BAIAP2L1: variants seen among roughly 807,000 people sequenced by gnomAD.
BAIAP2L1 encodes the protein BAR/IMD domain-containing adapter protein 2-like 1.
A neutral mutation model predicts 66.3 loss-of-function variants in BAIAP2L1; 35 were observed. The observed-to-expected ratio is 0.53, with a 90% CI of 0.40 to 0.70. BAIAP2L1 has a LOEUF of 0.70. Ranked by LOEUF, BAIAP2L1 falls within the 30% of genes least tolerant of loss-of-function variation. BAIAP2L1 has a pLI of 0.00. For synonymous variants in BAIAP2L1, 269 were observed against 248.7 expected (o/e 1.08, Z -0.77); for missense variants, 622 against 656.9 (o/e 0.95, Z 0.58).
intron 1 of BAIAP2L1, among the ~76,000 whole-genome samples, chr7:98,395,683 ATAAGT>A (rs572239402): frequency 2.6e-5 from 4 of 152,346 alleles, no homozygotes; most frequent in South Asian, 4.1e-4. Context: ...GTGTCAGCAG[ATAAGT>A]TAAACTAAAT....
intron 2 of BAIAP2L1, among the ~76,000 whole-genome samples, chr7:98,361,239 C>A (rs1242279616): frequency 6.6e-6 from 1 of 152,044 alleles, no homozygotes; most frequent in Non-Finnish European, 1.5e-5. Flanking sequence ...CACCTATAAT[C>A]CCAGCTACTT....
At chr7:98,369,796 C>G (rs1219630348) in intron 1 of BAIAP2L1, among the ~76,000 whole-genome samples, 1 of 151,296 alleles carries the variant, frequency 6.6e-6, no homozygotes, top group Non-Finnish European at 1.5e-5. Context: ...CTCCGCCTCC[C>G]AAGTAACTGG....
chr7:98,361,006 G>C (rs944240400), intron 2 of BAIAP2L1, among the ~76,000 whole-genome samples: 1 of 152,196 alleles, frequency 6.6e-6, no homozygotes, highest in Non-Finnish European at 1.5e-5. Context: ...CATGCTGAGC[G>C]AGAGTGAGGC....
chr7:98,386,590 T>C (rs1802896916), intron 1 of BAIAP2L1: 5 of 1,595,396 alleles, frequency 3.1e-6, no homozygotes, highest in Admixed American at 3.4e-5. Flanking sequence ...GCCATGGTGC[T>C]GGTCAGAGAG....
chr7:98,381,766 T>C (rs1456502773), intron 1 of BAIAP2L1, among the ~76,000 whole-genome samples: 1 of 152,184 alleles, frequency 6.6e-6, no homozygotes, highest in Non-Finnish European at 1.5e-5. Flanking sequence ...AGAATTATTC[T>C]GCAGCTAAAG....
chr7:98,362,314 C>T (rs749080332), intron 2 of BAIAP2L1, 43 bp downstream of exon 2: 2 of 1,395,446 alleles, frequency 1.4e-6, no homozygotes, highest in South Asian at 1.2e-5. Context: ...TACATATTTA[C>T]TGAGTGGCTT....
chr7:98,363,057 C>T (rs1327444952), intron 1 of BAIAP2L1, among the ~76,000 whole-genome samples: 9 of 110,586 alleles, frequency 8.1e-5, no homozygotes, highest in Admixed American at 1.3e-4. Context: ...TTTTTTGAGA[C>T]GGAGTCTCAC....
In BAIAP2L1 at chr7:98,293,366, C is replaced by T. The variant is rs1027789965; in HGVS notation, c.*155G>A. On this transcript the variant is annotated 3_prime_UTR_variant, in exon 14 of 14. Transcript: ENST00000005260. Reference sequence around the variant, plus strand: ...AGGCAGAAACTTGTCAACCCAACTACGTGAAACAGAGAAGCATGATTTGCT... The same window carrying T: ...AGGCAGAAACTTGTCAACCCAACTATGTGAAACAGAGAAGCATGATTTGCT... 12 of 679,020 alleles carry T rather than the reference C, an allele frequency of 1.8e-5. No homozygotes were observed. The highest frequency in any genetic ancestry group is 2.6e-5 in the Admixed American group (1 of 37,936). The allele number at this position is 679,020 out of a possible 1,614,324, so 42.1% of individuals were successfully genotyped here. A position where few individuals can be genotyped will look rare whatever the true frequency, so the allele number is the denominator to read the frequency against.
At chr7:98,399,359 A>G (rs1181090420) in intron 1 of BAIAP2L1, among the ~76,000 whole-genome samples, 2 of 152,240 alleles carry the variant, frequency 1.3e-5, no homozygotes, top group Non-Finnish European at 2.9e-5. Flanking sequence ...ATTTCAATAC[A>G]TAACAAAAAT....
chr7:98,294,455 CAG>C (rs1800102254), intron 12 of BAIAP2L1, among the ~76,000 whole-genome samples: 1 of 152,234 alleles, frequency 6.6e-6, no homozygotes, highest in African/African-American at 2.4e-5. Flanking sequence ...TCCCAGGTGT[CAG>C]AGCGTGAACA....
At chr7:98,342,477 T>C (rs528843486) in intron 3 of BAIAP2L1, among the ~76,000 whole-genome samples, 4 of 152,294 alleles carry the variant, frequency 2.6e-5, no homozygotes, top group African/African-American at 7.2e-5. Flanking sequence ...ATTCTATCAA[T>C]GATTAAAGGA....
chr7:98,362,324 TTATA>T (rs761908030), intron 2 of BAIAP2L1, 29 bp downstream of exon 2: 2 of 1,478,744 alleles, frequency 1.4e-6, no homozygotes, highest in South Asian at 2.4e-5. Context: ...CTGAGTGGCT[TTATA>T]TATAATCAAT....
chr7:98,366,647 G>A (rs972967802), intron 1 of BAIAP2L1, among the ~76,000 whole-genome samples: 4 of 152,090 alleles, frequency 2.6e-5, no homozygotes, highest in Non-Finnish European at 4.4e-5. Context: ...TTCTCAAAAG[G>A]AAGAAAATAA....
chr7:98,304,492 G>A lies in BAIAP2L1; in HGVS notation c.1242-116C>T, dbSNP rs909414900. ...AATAGTACATCACCAATCAAAACCT[G>A]ATCTTGATCTCACACACACAGACAC... On this transcript the variant is annotated intron_variant, in intron 11 of 13. Transcript: ENST00000005260. 6 of 987,522 alleles carry A rather than the reference G, an allele frequency of 6.1e-6. No homozygotes were observed. In the African/African-American group the frequency reaches 8.2e-5, roughly 14 times the overall value. The allele number at this position is 987,522 out of a possible 1,614,324, so 61.2% of individuals were successfully genotyped here.
At position 98,396,200 on chromosome 7, in the gene BAIAP2L1, G is replaced by C. The variant is rs150566984; in HGVS notation, c.51+4602C>G. On this transcript the variant is annotated intron_variant, in intron 1 of 13. Coordinates refer to ENST00000005260, the MANE Select transcript of BAIAP2L1 (RefSeq NM_018842.5). ...TCCTCCCACCTCAGCCTACTGAGGAGCTGGGACCCCAGGCACGTACCACCA... is the reference window on the plus strand; with the variant it reads ...TCCTCCCACCTCAGCCTACTGAGGACCTGGGACCCCAGGCACGTACCACCA... Among the ~76,000 whole-genome samples, 214 of 152,112 alleles carry C rather than the reference G, an allele frequency of 1.4e-3. 1 individual carries two copies. Among genetic ancestry groups the C allele is most frequent in the African/African-American group, 4.9e-3 (203 of 41,496 alleles).
chr7:98,354,571 C>A (rs1382488328), intron 3 of BAIAP2L1, among the ~76,000 whole-genome samples: 1 of 152,150 alleles, frequency 6.6e-6, no homozygotes, highest in Admixed American at 6.5e-5. Context: ...GCCCTCTCTG[C>A]CTGCACAGGA....
At chr7:98,393,653 G>A (rs796511578) in intron 1 of BAIAP2L1, among the ~76,000 whole-genome samples, 3 of 150,974 alleles carry the variant, frequency 2.0e-5, no homozygotes, top group African/African-American at 4.9e-5. Context: ...TCCCGCCACC[G>A]CGCCTGGATA....
At chr7:98,318,234 C>T (rs957370884) in intron 5 of BAIAP2L1, among the ~76,000 whole-genome samples, 1 of 152,332 alleles carries the variant, frequency 6.6e-6, no homozygotes, top group Admixed American at 6.5e-5. Flanking sequence ...TCTTCTCTTT[C>T]TTTTATTCCT....
At position 98,368,517 on chromosome 7, in the gene BAIAP2L1, C is replaced by A. The variant is rs551834874; in HGVS notation, c.52-6085G>T. Among the ~76,000 whole-genome samples the A allele has an allele frequency of 6.1e-4, 92 of 152,042 alleles. 1 individual carries two copies. Among genetic ancestry groups the A allele is most frequent in the Non-Finnish European group, 1.0e-3 (71 of 68,016 alleles). ...ACCATTCTGGCCAACATGGTGAAAC[C>A]CCGCCTCTACTAAAAATACATGAAT... is the stretch of plus-strand genomic sequence containing the variant. On this transcript the variant is annotated intron_variant, in intron 1 of 13. Transcript: ENST00000005260.
Sources: gnomAD v4.1 joint callset for allele counts (sites outside exome capture counted in the v4.1 genomes callset) on GRCh38, gnomAD v4.1.1 for gene constraint, MANE v1.5 for transcripts, NCBI Gene and HGNC (gene_info 2026-07-23, HGNC 2026-07-21) for gene names.